The following BPIFC variants were observed in gnomAD, a reference collection of about 807,000 sequenced individuals.
BPIFC encodes BPI fold-containing family C protein.
BPIFC carries 60 observed loss-of-function variants against 57.6 expected under a neutral mutation model. The ratio of observed to expected loss-of-function variants is 1.04; its 90% CI spans 0.85 to 1.29. The LOEUF is 1.29. Among genes scored for constraint, BPIFC ranks in the 50% most tolerant of loss-of-function variants. The pLI is 0.00. For synonymous variants in BPIFC, 243 were observed against 224.5 expected, an observed-to-expected ratio of 1.08 and a Z score of -0.74; for missense variants, 581 against 600.5, an observed-to-expected ratio of 0.97 and a Z score of 0.34.
chr22:32,444,642 T>G (rs1223377886), intron 7 of BPIFC, among the ~76,000 whole-genome samples: 1 of 152,224 alleles, frequency 6.6e-6, no homozygotes, highest in African/African-American at 2.4e-5. Context: ...AGAAGCCTTA[T>G]AGCTTTGGAA....
intron 8 of BPIFC, among the ~76,000 whole-genome samples, chr22:32,439,381 G>A (rs1330697561): frequency 2.0e-5 from 3 of 151,900 alleles, no homozygotes; most frequent in South Asian, 4.2e-4. Context: ...AGTTGTATGT[G>A]CAGTGACTCA....
chr22:32,442,881 T>C, intron 7 of BPIFC, 150 bp from the exon 8 acceptor site: 2 of 731,950 alleles, frequency 2.7e-6, no homozygotes, highest in Non-Finnish European at 4.5e-6. Context: ...TTTGTTGATG[T>C]CTATGGGCCT....
chr22:32,432,572 A>G, intron 11 of BPIFC, 29 bp from the exon 12 acceptor site: 1 of 1,608,086 alleles, frequency 6.2e-7, no homozygotes, highest in South Asian at 1.1e-5. Flanking sequence ...AGAAATAAAG[A>G]TTGTGAGGCG....
chr22:32,426,526 C>T (rs1934071177), intron 13 of BPIFC, among the ~76,000 whole-genome samples: 1 of 152,198 alleles, frequency 6.6e-6, no homozygotes, highest in South Asian at 2.1e-4. Flanking sequence ...TGCTATAACA[C>T]CCCATGCAGG....
intron 13 of BPIFC, among the ~76,000 whole-genome samples, chr22:32,428,117 T>C (rs907569300): frequency 2.0e-5 from 3 of 152,218 alleles, no homozygotes; most frequent in African/African-American, 7.2e-5. Context: ...CTGAGGCACT[T>C]TTGTCTTTGG....
At chr22:32,433,369 C>T (rs1452585863) in intron 11 of BPIFC, among the ~76,000 whole-genome samples, 2 of 152,176 alleles carry the variant, frequency 1.3e-5, no homozygotes, top group South Asian at 2.1e-4. Context: ...TTAACAGTTG[C>T]TTTTTACTAC....
At chr22:32,455,131 A>G (rs1472983695) in intron 3 of BPIFC, among the ~76,000 whole-genome samples, 7 of 146,810 alleles carry the variant, frequency 4.8e-5, no homozygotes, top group African/African-American at 1.5e-4. Flanking sequence ...GCTCACTGCA[A>G]CCTCTGCCTC....
At chr22:32,460,006 G>A (rs552615854) in intron 2 of BPIFC, among the ~76,000 whole-genome samples, 2 of 152,278 alleles carry the variant, frequency 1.3e-5, no homozygotes, top group African/African-American at 2.4e-5. Flanking sequence ...GTAAGAGGTG[G>A]AGCCCTTGGC....
At chr22:32,422,900 C>G (rs1933889008) in intron 13 of BPIFC, among the ~76,000 whole-genome samples, 1 of 152,136 alleles carries the variant, frequency 6.6e-6, no homozygotes, top group South Asian at 2.1e-4. Context: ...TTTCTCCCAC[C>G]AGGCTGTGGA....
In BPIFC at chr22:32,428,829, G is replaced by C. The variant is rs1476892969; in HGVS notation, c.1217+2518C>G. Among the ~76,000 whole-genome samples the C allele has an allele frequency of 2.0e-5, 3 of 152,060 alleles. No individual in the cohort carries two copies. The East Asian group carries it at 5.8e-4, about 29-fold the overall frequency. On this transcript the variant is annotated intron_variant, in intron 13 of 16. Coordinates refer to ENST00000300399, the MANE Select transcript of BPIFC (RefSeq NM_174932.3). ...CAGGAGAATCACTTGAACCCGGGAG[G>C]CGGAGGTTGTAGTGAGCCGAGATCG... is the stretch of plus-strand genomic sequence containing the variant.
chr22:32,431,315 G>T (rs891798213), intron 13 of BPIFC, 32 bp downstream of exon 13: 1 of 1,565,196 alleles, frequency 6.4e-7, no homozygotes, highest in Non-Finnish European at 8.8e-7. Flanking sequence ...TTATTACTAA[G>T]GTGCCCCAAC....
chr22:32,441,510 T>A (rs1380664462), intron 8 of BPIFC, among the ~76,000 whole-genome samples: 3 of 151,996 alleles, frequency 2.0e-5, no homozygotes, highest in African/African-American at 7.2e-5. Flanking sequence ...GGTGAATGAA[T>A]GGATGGAGTG....
intron 14 of BPIFC, among the ~76,000 whole-genome samples, chr22:32,418,569 G>A (rs531111399): frequency 1.3e-5 from 2 of 152,322 alleles, no homozygotes; most frequent in Non-Finnish European, 2.9e-5. Context: ...AGAATCACTA[G>A]TTGAGAACCA....
At chr22:32,455,284 C>T (rs970767361) in intron 3 of BPIFC, among the ~76,000 whole-genome samples, 3 of 151,954 alleles carry the variant, frequency 2.0e-5, no homozygotes, top group South Asian at 2.1e-4. Flanking sequence ...CTCTTGACCT[C>T]GTGATCCTCC....
chr22:32,418,622 G>T (rs1237827761), intron 14 of BPIFC, among the ~76,000 whole-genome samples: 1 of 152,166 alleles, frequency 6.6e-6, no homozygotes, highest in African/African-American at 2.4e-5. Context: ...GATTTTATCT[G>T]TTTTGTCTAG....
At chr22:32,432,974 C>T (rs1051136284) in intron 11 of BPIFC, among the ~76,000 whole-genome samples, 17 of 152,050 alleles carry the variant, frequency 1.1e-4, no homozygotes, top group Admixed American at 8.5e-4. Flanking sequence ...AGGCTGAGAT[C>T]GGTGGATCAC....
chr22:32,442,844 C>T lies in BPIFC; in HGVS notation c.595-113G>A, dbSNP rs1176902515. On this transcript the variant is annotated intron_variant, in intron 7 of 16. Transcript: ENST00000300399. ...GCCTTCTGGTTAGCAGTCATTATCC[C>T]TTTGGTCATCGAGACATTCTCTTAA... The T allele has an allele frequency of 3.1e-6, 3 of 970,190 alleles. No homozygotes were observed. In the East Asian group the frequency reaches 7.8e-5, roughly 25 times the overall value. The allele number at this position is 970,190 out of a possible 1,614,324, so 60.1% of individuals were successfully genotyped here. A position where few individuals can be genotyped will look rare whatever the true frequency, so the allele number is the denominator to read the frequency against.
At chr22:32,446,636 G>T in intron 5 of BPIFC, 1 of 500,218 alleles carries the variant, frequency 2.0e-6, no homozygotes, top group South Asian at 8.6e-5. Context: ...CTTAGTGGAA[G>T]AATGAATGTG....
At chr22:32,418,599 C>A (rs571038609) in intron 14 of BPIFC, among the ~76,000 whole-genome samples, 91 of 152,238 alleles carry the variant, frequency 6.0e-4, no homozygotes, top group African/African-American at 2.1e-3. Context: ...AATGTAAGCG[C>A]CTTGAGGGTA....
Sources: allele counts gnomAD v4.1 joint callset (sites outside exome capture counted in the v4.1 genomes callset), GRCh38; gene constraint gnomAD v4.1.1; transcripts MANE v1.5; gene names NCBI Gene and HGNC (gene_info 2026-07-23, HGNC 2026-07-21).